The following KCNC2 variants were observed in gnomAD, a reference collection of about 807,000 sequenced individuals.
The protein encoded by KCNC2 is voltage-gated potassium channel KCNC2.
Under a neutral mutation model 44.5 loss-of-function variants are expected in KCNC2, and 21 were observed. The observed-to-expected ratio is 0.47, with a 90% confidence interval of 0.33 to 0.68. The LOEUF is 0.68. Among genes scored for constraint, KCNC2 ranks in the 30% least tolerant of loss-of-function variants. KCNC2 has a pLI of 0.01. For missense variants in KCNC2, 589 were observed against 826.2 expected, an observed-to-expected ratio of 0.71 and a Z score of 3.52; for synonymous variants, 391 against 339.1, an observed-to-expected ratio of 1.15 and a Z score of -1.68.
intron 2 of KCNC2, among the ~76,000 whole-genome samples, chr12:75,159,361 G>T (rs1012813871): frequency 6.7e-6 from 1 of 150,094 alleles, no homozygotes; most frequent in Non-Finnish European, 1.5e-5. Flanking sequence ...TTCAGTTTTT[G>T]CTGCTCCCCC....
chr12:75,050,769 G>A lies in KCNC2; in HGVS notation c.1236C>T (p.Asp412=). The A allele has an allele frequency of 1.2e-6, 2 of 1,613,490 alleles. No homozygotes were observed. The highest frequency in any genetic ancestry group is 8.5e-7 in the Non-Finnish European group (1 of 1,179,838). The part of the protein sequence containing the change: ...YAERVGAQPN[D]PSASEHTQFK... Reference sequence around the variant, plus strand: ...ACTGTGTGTGCTCACTAGCTGAAGGGTCGTTAGGTTGAGCTCCCACTCTCT... The same window carrying A: ...ACTGTGTGTGCTCACTAGCTGAAGGATCGTTAGGTTGAGCTCCCACTCTCT... The change falls in exon 3 of 5, where the codon GAC becomes GAT. Residue 412 remains aspartate (D), a synonymous_variant. Transcript: ENST00000549446.
intron 2 of KCNC2, among the ~76,000 whole-genome samples, chr12:75,151,157 GA>G (rs1192163898): frequency 6.6e-6 from 1 of 151,880 alleles, no homozygotes. Flanking sequence ...AAAACTAATA[GA>G]AAAACCTTGC....
intron 2 of KCNC2, among the ~76,000 whole-genome samples, chr12:75,186,050 A>C (rs1457047326): frequency 3.0e-5 from 2 of 65,734 alleles, no homozygotes; most frequent in Non-Finnish European, 7.3e-5. Flanking sequence ...CTGTCTCAAA[A>C]ATAAATAAAT....
At chr12:75,110,456 G>A (rs1019668061) in intron 2 of KCNC2, among the ~76,000 whole-genome samples, 3 of 152,114 alleles carry the variant, frequency 2.0e-5, no homozygotes, top group Non-Finnish European at 2.9e-5. Context: ...GGAAATAAAA[G>A]AAGTATATCT....
chr12:75,203,512 A>G (rs1222616532), intron 2 of KCNC2, among the ~76,000 whole-genome samples: 1 of 151,948 alleles, frequency 6.6e-6, no homozygotes, highest in Non-Finnish European at 1.5e-5. Flanking sequence ...CAACAACAGT[A>G]AATGAGATAA....
rs1264227981 is a variant in KCNC2 at position 75,042,198 on chromosome 12, C to G, written c.*907G>C. ...CTCTGCCTCTGAAAATGATGACAAA[C>G]CCTGGGTATTTTTTTTTTTTAAAGA... On this transcript the variant is annotated 3_prime_UTR_variant, in exon 5 of 5. Coordinates refer to ENST00000549446, the MANE Select transcript of KCNC2 (RefSeq NM_139137.4). The G allele has an allele frequency of 2.2e-6, 3 of 1,351,988 alleles. No homozygotes were observed. In the African/African-American group the frequency reaches 4.5e-5, roughly 20 times the overall value. 83.7% of individuals were successfully genotyped at this position (1,351,988 alleles called of 1,614,324 possible). A position where few individuals can be genotyped will look rare whatever the true frequency, so the allele number is the denominator to read the frequency against.
chr12:75,133,594 A>G (rs73355620), intron 2 of KCNC2, among the ~76,000 whole-genome samples: 22,816 of 151,948 alleles, frequency 0.15, 2,039 homozygotes, highest in Middle Eastern at 0.27. Flanking sequence ...AGCCCAAACC[A>G]TATATAAAAT....
chr12:75,175,715 T>C (rs1198717383), intron 2 of KCNC2, among the ~76,000 whole-genome samples: 1 of 152,012 alleles, frequency 6.6e-6, no homozygotes, highest in African/African-American at 2.4e-5. Context: ...AAAACACATG[T>C]AGTAAAAGCA....
chr12:75,067,005 C>A (rs1003951911), intron 2 of KCNC2, among the ~76,000 whole-genome samples: 1 of 152,088 alleles, frequency 6.6e-6, no homozygotes, highest in Non-Finnish European at 1.5e-5. Flanking sequence ...GAGTTCGAGA[C>A]CAGCCTGGGC....
intron 2 of KCNC2, among the ~76,000 whole-genome samples, chr12:75,100,941 A>G (rs1045347003): frequency 2.6e-5 from 4 of 152,130 alleles, no homozygotes; most frequent in African/African-American, 4.8e-5. Context: ...AATTATGTAC[A>G]TTAATTTTCT....
At chr12:75,149,826 ATCT>A (rs1890267998) in intron 2 of KCNC2, among the ~76,000 whole-genome samples, 1 of 151,996 alleles carries the variant, frequency 6.6e-6, no homozygotes, top group African/African-American at 2.4e-5. Context: ...AAAATTCAAC[ATCT>A]TCTTACTCAA....
intron 2 of KCNC2, chr12:75,124,901 G>C (rs927040020): frequency 1.3e-5 from 2 of 152,246 alleles, no homozygotes; most frequent in South Asian, 2.1e-4. Context: ...TCAGGAGATC[G>C]AGACCATCTT....
In KCNC2 at chr12:75,098,649, C is replaced by T. The variant is rs1450435370; in HGVS notation, c.688-47332G>A. Among the ~76,000 whole-genome samples, 9 of 152,052 alleles carry T rather than the reference C, an allele frequency of 5.9e-5. No individual in the cohort carries two copies. The East Asian group carries it at 1.7e-3, about 29-fold the overall frequency. On this transcript the variant is annotated intron_variant, in intron 2 of 4. Coordinates refer to ENST00000549446, the MANE Select transcript of KCNC2 (RefSeq NM_139137.4). ...TGGTGGACACCTGTAATCCCAGCTG[C>T]TTGGGAGGCTGAGGCAGGAGAATGG...
chr12:75,089,188 C>T (rs1450653493), intron 2 of KCNC2, among the ~76,000 whole-genome samples: 3 of 151,788 alleles, frequency 2.0e-5, no homozygotes, highest in African/African-American at 7.2e-5. Flanking sequence ...AGATTAGGTA[C>T]AGCCTGGTGA....
At chr12:75,058,528 G>T (rs1485569776) in intron 2 of KCNC2, among the ~76,000 whole-genome samples, 1 of 151,962 alleles carries the variant, frequency 6.6e-6, no homozygotes, top group Non-Finnish European at 1.5e-5. Context: ...TTACTTAATG[G>T]AAAGTGATGG....
At chr12:75,186,382 T>C (rs1459311289) in intron 2 of KCNC2, among the ~76,000 whole-genome samples, 1 of 152,200 alleles carries the variant, frequency 6.6e-6, no homozygotes, top group Non-Finnish European at 1.5e-5. Flanking sequence ...CAAATTTCTA[T>C]TTATTTCTAT....
At chr12:75,137,719 T>A (rs920994833) in intron 2 of KCNC2, among the ~76,000 whole-genome samples, 6 of 152,136 alleles carry the variant, frequency 3.9e-5, no homozygotes, top group Non-Finnish European at 5.9e-5. Context: ...AACAAAAAAA[T>A]TATATAAGTA....
At chr12:75,115,523 C>T (rs1226079883) in intron 2 of KCNC2, among the ~76,000 whole-genome samples, 1 of 152,154 alleles carries the variant, frequency 6.6e-6, no homozygotes, top group Admixed American at 6.5e-5. Context: ...CAAAGTTTGT[C>T]CCATGTCTCG....
intron 2 of KCNC2, among the ~76,000 whole-genome samples, chr12:75,092,302 C>T (rs911920861): frequency 1.3e-5 from 2 of 151,656 alleles, no homozygotes; most frequent in East Asian, 3.9e-4. Context: ...AATTAAAATC[C>T]TTGCTTTAGA....
Sources: allele counts gnomAD v4.1 joint callset (sites outside exome capture counted in the v4.1 genomes callset), GRCh38; gene constraint gnomAD v4.1.1; transcripts MANE v1.5; gene names NCBI Gene and HGNC (gene_info 2026-07-23, HGNC 2026-07-21).